ITGA9: variants seen among roughly 807,000 people sequenced by gnomAD.
The protein encoded by ITGA9 is integrin alpha-9.
ITGA9 carries 56 observed loss-of-function variants against 127.8 expected under a neutral mutation model. That is an observed-to-expected ratio of 0.44 (90% CI 0.35 to 0.55). The LOEUF (loss-of-function observed/expected upper bound fraction) is 0.55, where lower values mean the gene tolerates loss of function less well. Ranked by LOEUF, ITGA9 falls within the 20% of genes least tolerant of loss-of-function variation. ITGA9 has a pLI of 0.00. For missense variants in ITGA9, 1,196 were observed against 1,347.1 expected (o/e 0.89, Z 1.76); for synonymous variants, 508 against 514.5 (o/e 0.99, Z 0.17).
chr3:37,473,423 G>A lies in ITGA9; in HGVS notation c.383G>A (p.Ser128Asn), dbSNP rs373534184. The A allele has an allele frequency of 6.8e-6, 11 of 1,614,108 alleles. No individual in the cohort carries two copies. The highest frequency in any genetic ancestry group is 9.3e-6 in the Non-Finnish European group (11 of 1,180,004). ...CGCGATGATGAGTGGATGGGGGTGA[G>A]CCTGGCCCGACAGCCCAAGGCTGAT... ...EDRDDEWMGV[S>N]LARQPKADGR... Residue 128 changes from serine to asparagine, a missense_variant, in exon 3 of 28, where the codon AGC becomes AAC. By Grantham distance (46) the Ser-to-Asn change is conservative. Coordinates refer to ENST00000264741, the MANE Select transcript of ITGA9 (RefSeq NM_002207.3).
chr3:37,606,594 A>C (rs368706525), intron 15 of ITGA9, among the ~76,000 whole-genome samples: 1 of 152,194 alleles, frequency 6.6e-6, no homozygotes, highest in Non-Finnish European at 1.5e-5. Context: ...GATCATCACC[A>C]GGATTTGAGG....
intron 13 of ITGA9, among the ~76,000 whole-genome samples, chr3:37,531,302 G>T (rs746720449): frequency 1.6e-4 from 25 of 152,162 alleles, no homozygotes; most frequent in Non-Finnish European, 3.2e-4. Flanking sequence ...CACAGGAAGC[G>T]ATCAGAGAGG....
chr3:37,582,801 A>T (rs368454357), intron 15 of ITGA9, among the ~76,000 whole-genome samples: 1 of 152,186 alleles, frequency 6.6e-6, no homozygotes, highest in Admixed American at 6.5e-5. Flanking sequence ...TATGTCTTCT[A>T]CTGTTCCACA....
At chr3:37,741,897 G>T in intron 21 of ITGA9, 78 bp downstream of exon 21, 1 of 1,192,688 alleles carries the variant, frequency 8.4e-7, no homozygotes, top group Non-Finnish European at 1.2e-6. Flanking sequence ...ATTTGCATGT[G>T]TAGCCAGCCA....
chr3:37,659,959 G>A (rs1463442182), intron 17 of ITGA9, among the ~76,000 whole-genome samples: 1 of 150,114 alleles, frequency 6.7e-6, no homozygotes, highest in Non-Finnish European at 1.5e-5. Context: ...TCTTCAGTTT[G>A]AGTTTACTGG....
chr3:37,555,780 G>A (rs1049790418), intron 15 of ITGA9, among the ~76,000 whole-genome samples: 1 of 152,226 alleles, frequency 6.6e-6, no homozygotes, highest in Non-Finnish European at 1.5e-5. Flanking sequence ...ACACACAAAT[G>A]TTTATATCCA....
At chr3:37,581,248 T>C (rs752269271) in intron 15 of ITGA9, among the ~76,000 whole-genome samples, 5 of 152,162 alleles carry the variant, frequency 3.3e-5, no homozygotes, top group Non-Finnish European at 7.4e-5. Context: ...ACTAGTGTGG[T>C]CACAGAGGGA....
chr3:37,654,475 C>A (rs541635158), intron 17 of ITGA9, among the ~76,000 whole-genome samples: 2 of 152,344 alleles, frequency 1.3e-5, no homozygotes, highest in African/African-American at 4.8e-5. Context: ...CCTCATTTCA[C>A]AGAATGGCTT....
intron 18 of ITGA9, among the ~76,000 whole-genome samples, chr3:37,727,382 C>A (rs1696224918): frequency 6.6e-6 from 1 of 152,146 alleles, no homozygotes; most frequent in South Asian, 2.1e-4. Context: ...GGGGAAAAGG[C>A]CAGTTATGTG....
At chr3:37,608,302 A>G (rs1363922066) in intron 15 of ITGA9, among the ~76,000 whole-genome samples, 1 of 152,242 alleles carries the variant, frequency 6.6e-6, no homozygotes, top group East Asian at 1.9e-4. Context: ...TTAAGATCAA[A>G]GAGATCATAA....
chr3:37,707,064 C>G (rs1223216609), intron 18 of ITGA9, among the ~76,000 whole-genome samples: 3 of 152,146 alleles, frequency 2.0e-5, no homozygotes, highest in Non-Finnish European at 2.9e-5. Context: ...AAAGTTAGGA[C>G]ATTTAACCTA....
At chr3:37,639,749 T>TG (rs1385597567) in intron 16 of ITGA9, among the ~76,000 whole-genome samples, 5 of 152,100 alleles carry the variant, frequency 3.3e-5, no homozygotes, top group African/African-American at 1.2e-4. Context: ...GGTGAGTCCC[T>TG]GGGGAGTCTG....
intron 5 of ITGA9, among the ~76,000 whole-genome samples, chr3:37,501,826 G>A (rs1043844510): frequency 1.3e-5 from 2 of 152,190 alleles, no homozygotes; most frequent in Admixed American, 6.5e-5. Flanking sequence ...ACCAGAATTA[G>A]TTTAGAGTGT....
chr3:37,643,498 G>A (rs1700351175), intron 16 of ITGA9, among the ~76,000 whole-genome samples: 1 of 136,308 alleles, frequency 7.3e-6, no homozygotes, highest in South Asian at 2.2e-4. Flanking sequence ...TCAGTGTTAT[G>A]TTTTATTTTT....
At chr3:37,794,736 C>G (rs758928273) in intron 26 of ITGA9, among the ~76,000 whole-genome samples, 2 of 152,192 alleles carry the variant, frequency 1.3e-5, no homozygotes, top group African/African-American at 4.8e-5. Context: ...AAGCCCAGCT[C>G]ATTCCTCTGC....
At chr3:37,476,627 C>T (rs1216842433) in intron 3 of ITGA9, among the ~76,000 whole-genome samples, 1 of 152,136 alleles carries the variant, frequency 6.6e-6, no homozygotes. Context: ...TCCCCTCTGC[C>T]CCTGCCCCAC....
chr3:37,755,828 T>A (rs1575223487), intron 23 of ITGA9, among the ~76,000 whole-genome samples: 1 of 152,164 alleles, frequency 6.6e-6, no homozygotes, highest in East Asian at 1.9e-4. Context: ...GACAAGTTTA[T>A]GTACCAATTA....
rs910975714 is a variant in ITGA9, at chr3:37,786,588, G to A, written c.2889+1510G>A. Among the ~76,000 whole-genome samples the A allele has an allele frequency of 1.7e-4, 26 of 151,382 alleles. 1 individual carries two copies. Among genetic ancestry groups the A allele is most frequent in the Admixed American group, 1.1e-3 (17 of 15,206 alleles). Reference sequence around the variant, plus strand: ...AGCCTGGGCAACGGAGTAAGACTCCGTCTCAAAAAAACAAAAAACAAACAA... The same window carrying A: ...AGCCTGGGCAACGGAGTAAGACTCCATCTCAAAAAAACAAAAAACAAACAA... On this transcript the variant is annotated intron_variant, in intron 26 of 27. Coordinates refer to ENST00000264741, the MANE Select transcript of ITGA9 (RefSeq NM_002207.3).
intron 18 of ITGA9, among the ~76,000 whole-genome samples, chr3:37,690,723 C>T (rs1332542485): frequency 1.3e-5 from 2 of 152,116 alleles, no homozygotes; most frequent in Non-Finnish European, 2.9e-5. Context: ...GCACCCTGGC[C>T]CGACTCTTAC....
Sources: gnomAD v4.1 joint callset for allele counts (sites outside exome capture counted in the v4.1 genomes callset) on GRCh38, gnomAD v4.1.1 for gene constraint, MANE v1.5 for transcripts, NCBI Gene and HGNC (gene_info 2026-07-23, HGNC 2026-07-21) for gene names.